The following RYR2 variants were observed in gnomAD, a reference collection of about 807,000 sequenced individuals.
The protein encoded by RYR2 is cardiac muscle ryanodine receptor-calcium release channel.
Under a neutral mutation model 601.1 loss-of-function variants are expected in RYR2, and 227 were observed. The observed-to-expected ratio is 0.38, with a 90% CI of 0.34 to 0.42. The LOEUF (loss-of-function observed/expected upper bound fraction) is 0.42. Among genes scored for constraint, RYR2 ranks in the 10% least tolerant of loss-of-function variants. The pLI, the probability that RYR2 is intolerant of heterozygous loss-of-function variation, is 1.00. For missense variants in RYR2, 4,646 were observed against 6,156.5 expected, an observed-to-expected ratio of 0.75 and a Z score of 8.21; for synonymous variants, 2,223 against 2,175.1, an observed-to-expected ratio of 1.02 and a Z score of -0.61.
intron 25 of RYR2, among the ~76,000 whole-genome samples, chr1:237,545,597 G>A (rs1313450557): frequency 6.6e-6 from 1 of 152,164 alleles, no homozygotes; most frequent in Non-Finnish European, 1.5e-5. Context: ...GGAGTGAGAA[G>A]TAGTTGTGAG....
intron 1 of RYR2, among the ~76,000 whole-genome samples, chr1:237,061,274 A>ATCTAT (rs1662835924): frequency 2.4e-5 from 3 of 123,492 alleles, no homozygotes; most frequent in Admixed American, 8.4e-5. Flanking sequence ...CTATCCATCT[A>ATCTAT]TCATCTATCT....
intron 1 of RYR2, among the ~76,000 whole-genome samples, chr1:237,185,693 G>A (rs908848494): frequency 2.0e-5 from 3 of 152,102 alleles, no homozygotes; most frequent in African/African-American, 7.2e-5. Context: ...GTGTGTGGTT[G>A]TGCATTCTCA....
Position 237,222,537 on chromosome 1 carries a change from AGAAT to A in RYR2, c.49-47959_49-47956del, listed in dbSNP as rs1275991072. On this transcript the variant is annotated intron_variant, in intron 1 of 104. Coordinates refer to ENST00000366574, the MANE Select transcript of RYR2 (RefSeq NM_001035.3). ...CCAAACCTCTCCTATTTGACCAGCC[AGAAT>A]CTTATGTTATTAGTGTTGCTAACCC... Among the ~76,000 whole-genome samples the A allele has an allele frequency of 5.0e-4, 76 of 152,232 alleles. 1 individual carries two copies. The highest frequency in any genetic ancestry group is 2.9e-5 in the Non-Finnish European group (2 of 68,018).
At chr1:237,677,731 T>C (rs12059169) in intron 60 of RYR2, among the ~76,000 whole-genome samples, 4,217 of 152,268 alleles carry the variant, frequency 0.028, 183 homozygotes, top group African/African-American at 0.094. Context: ...CTACTGAAAA[T>C]GTGGGACTTT....
chr1:237,366,234 TC>T lies in RYR2; in HGVS notation c.309+1865del, dbSNP rs560285254. On this transcript the variant is annotated intron_variant, in intron 5 of 104. Coordinates refer to ENST00000366574, the MANE Select transcript of RYR2 (RefSeq NM_001035.3). ...TAGGACTGTCCTAAGCCTGATCTGT[TC>T]CCTGAGGAGACTTTCCATGAAGACA... 7.2e-5 allele frequency among the ~76,000 whole-genome samples: 11 copies of T among 152,254 alleles called. No individual in the cohort carries two copies. The East Asian group carries it at 2.1e-3, about 29-fold the overall frequency.
At chr1:237,530,377 C>T in intron 24 of RYR2, 50 bp from the exon 25 acceptor site, 1 of 1,371,634 alleles carries the variant, frequency 7.3e-7, no homozygotes, top group Non-Finnish European at 1.0e-6. Flanking sequence ...TTGGGTTATT[C>T]TGGACATAGA....
intron 2 of RYR2, among the ~76,000 whole-genome samples, chr1:237,287,629 T>C (rs1417597982): frequency 6.6e-6 from 1 of 152,214 alleles, no homozygotes; most frequent in Non-Finnish European, 1.5e-5. Context: ...ATTTCACATT[T>C]CTAAAAGTGC....
intron 1 of RYR2, among the ~76,000 whole-genome samples, chr1:237,144,006 G>A (rs918491072): frequency 6.6e-6 from 1 of 152,108 alleles, no homozygotes. Flanking sequence ...ACATGCGCCT[G>A]TAGTCCCAGC....
intron 10 of RYR2, among the ~76,000 whole-genome samples, chr1:237,415,123 C>T (rs1446959852): frequency 6.6e-6 from 1 of 152,190 alleles, no homozygotes. Context: ...CAGCCCCAAA[C>T]ATCAACAGTG....
At chr1:237,483,420 C>T (rs1038935897) in intron 17 of RYR2, among the ~76,000 whole-genome samples, 3 of 152,194 alleles carry the variant, frequency 2.0e-5, no homozygotes, top group Admixed American at 2.0e-4. Flanking sequence ...ACCATTATTA[C>T]ATCCATTTCA....
At chr1:237,679,756 G>A (rs1162999157) in intron 61 of RYR2, among the ~76,000 whole-genome samples, 1 of 152,208 alleles carries the variant, frequency 6.6e-6, no homozygotes, top group Non-Finnish European at 1.5e-5. Context: ...GTTGAGATCA[G>A]CAAAGACTTA....
chr1:237,795,438 A>G, intron 96 of RYR2, 107 bp downstream of exon 96: 4 of 571,286 alleles, frequency 7.0e-6, no homozygotes, highest in Non-Finnish European at 1.2e-5. Flanking sequence ...TTATCTGCCT[A>G]TTAATGTCTC....
At position 237,493,031 on chromosome 1, in the gene RYR2, T is replaced by A; in HGVS notation, c.1905T>A (p.Asn635Lys). Reference protein sequence around the residue: ...VRSNQHLICDNLLPGRDLLLQ... With the variant: ...VRSNQHLICDKLLPGRDLLLQ... ...CTAACCAGCATCTCATCTGTGACAA[T>A]CTCCTACCAGGAAGAGACTTGTTAT... Residue 635 changes from asparagine (N) to lysine (K), a missense_variant, in exon 19 of 105, where the codon AAT becomes AAA. Asn to Lys is a moderately conservative substitution (Grantham distance 94). Transcript: ENST00000366574. 1 of 1,612,994 alleles carries A rather than the reference T, an allele frequency of 6.2e-7. No individual in the cohort carries two copies. Among genetic ancestry groups the A allele is most frequent in the Non-Finnish European group, 8.5e-7 (1 of 1,179,554 alleles).
chr1:237,770,734 T>C (rs2149310219), intron 84 of RYR2, 73 bp from the exon 85 acceptor site: 1 of 897,968 alleles, frequency 1.1e-6, no homozygotes, highest in South Asian at 1.4e-5. Flanking sequence ...GCAAGTTGTA[T>C]GGAGGTGGGG....
chr1:237,790,660 A>G (rs1271215208), intron 92 of RYR2, among the ~76,000 whole-genome samples: 1 of 152,146 alleles, frequency 6.6e-6, no homozygotes, highest in Non-Finnish European at 1.5e-5. Context: ...TTCATCTTCA[A>G]AGCACACTTA....
At position 237,783,962 on chromosome 1, in the gene RYR2, G is replaced by A. The variant is rs1695339297; in HGVS notation, c.12250G>A (p.Val4084Ile). 7 of 1,613,692 alleles carry A rather than the reference G, an allele frequency of 4.3e-6. No individual in the cohort carries two copies. In the South Asian group the frequency reaches 5.5e-5, roughly 13 times the overall value. ...TGAAACCCTCGACTACGAAGAGTTC[G>A]TCAAACGCTTCCACGAACCTGCGAA... ...ENETLDYEEFVKRFHEPAKDI... is the reference protein window; with the variant it reads ...ENETLDYEEFIKRFHEPAKDI... The change falls in exon 90 of 105, where the codon GTC (valine) becomes ATC (isoleucine). Residue 4084 changes from valine (V) to isoleucine (I), a missense_variant. Around this residue, in one of 17 missense-constraint regions of RYR2, gnomAD observed 66 missense variants for 80.7 expected, o/e 0.82. Transcript: ENST00000366574.
chr1:237,225,299 G>A (rs765661763), intron 1 of RYR2, among the ~76,000 whole-genome samples: 19 of 152,202 alleles, frequency 1.2e-4, no homozygotes, highest in East Asian at 1.9e-4. Flanking sequence ...ACCTGTATTC[G>A]TCCGTTTTCG....
intron 1 of RYR2, among the ~76,000 whole-genome samples, chr1:237,230,551 T>C (rs1224750305): frequency 2.0e-5 from 3 of 152,228 alleles, no homozygotes; most frequent in Non-Finnish European, 4.4e-5. Flanking sequence ...TTTTACCAAA[T>C]GCAGACTTAG....
At chr1:237,710,642 A>G (rs1465788729) in intron 70 of RYR2, among the ~76,000 whole-genome samples, 1 of 152,022 alleles carries the variant, frequency 6.6e-6, no homozygotes. Flanking sequence ...TAGATCATCC[A>G]AGGTATTCTG....
Sources: allele counts gnomAD v4.1 joint callset (sites outside exome capture counted in the v4.1 genomes callset), GRCh38; gene constraint gnomAD v4.1.1; regional missense constraint gnomAD v4.1.1; transcripts MANE v1.5; gene names NCBI Gene and HGNC (gene_info 2026-07-23, HGNC 2026-07-21).